The following GTF2I variants were observed in gnomAD, a reference collection of about 807,000 sequenced individuals.
The protein encoded by GTF2I is general transcription factor IIi, also known as general transcription factor II-I.
In GTF2I, 12 loss-of-function variants were observed where a neutral mutation model predicts 67.6. The observed-to-expected ratio is 0.18, with a 90% CI of 0.11 to 0.29. The LOEUF (loss-of-function observed/expected upper bound fraction) is 0.29. Ranked by LOEUF, GTF2I falls within the 10% of genes least tolerant of loss-of-function variation. GTF2I has a pLI of 1.00. For synonymous variants in GTF2I, 149 were observed against 197.0 expected, an observed-to-expected ratio of 0.76 and a Z score of 2.04; for missense variants, 271 against 580.1, an observed-to-expected ratio of 0.47 and a Z score of 5.47.
In GTF2I at chr7:74,680,112, ATATATG is replaced by A. The variant is rs1458742120; in HGVS notation, c.-5-9008_-5-9003del. ...AAAAAAAAAAAAAATATATATATATATATATGTATGTATGTATGTATATACACATAT... is the reference window on the plus strand; with the variant it reads ...AAAAAAAAAAAAAATATATATATATATATGTATGTATGTATATACACATAT... On this transcript the variant is annotated intron_variant, in intron 1 of 34. Coordinates refer to ENST00000573035, the MANE Select transcript of GTF2I (RefSeq NM_032999.4). Among the ~76,000 whole-genome samples the A allele has an allele frequency of 9.8e-4, 125 of 127,062 alleles. 2 individuals are homozygous for A. The highest frequency in any genetic ancestry group is 3.9e-3 in the Middle Eastern group (1 of 258). The allele number at this position is 127,062 out of a possible 152,430, so 83.4% of individuals were successfully genotyped here.
intron 1 of GTF2I, among the ~76,000 whole-genome samples, chr7:74,686,427 T>C (rs1160025556): frequency 6.6e-6 from 1 of 152,204 alleles, no homozygotes; most frequent in Non-Finnish European, 1.5e-5. Flanking sequence ...TGCCCTAGTT[T>C]CATGTTCTGA....
intron 1 of GTF2I, among the ~76,000 whole-genome samples, chr7:74,672,169 A>G (rs4717907): frequency 0.79 from 119,925 of 151,954 alleles, 47,570 homozygotes; most frequent in East Asian, 0.94. Flanking sequence ...TCTATTTCTT[A>G]TCTGCTGAAG....
intron 8 of GTF2I, among the ~76,000 whole-genome samples, chr7:74,709,990 A>C (rs183582832): frequency 6.6e-6 from 1 of 152,130 alleles, no homozygotes. Flanking sequence ...GTAATTTTCT[A>C]TTAACTTTTA....
chr7:74,701,915 A>C (rs1002617297), intron 6 of GTF2I, among the ~76,000 whole-genome samples: 1 of 152,210 alleles, frequency 6.6e-6, no homozygotes, highest in African/African-American at 2.4e-5. Flanking sequence ...GTAGAAATGG[A>C]ATATGTAGTA....
chr7:74,665,982 GGC>G, intron 1 of GTF2I, among the ~76,000 whole-genome samples: 1 of 152,212 alleles, frequency 6.6e-6, no homozygotes, highest in Non-Finnish European at 1.5e-5. Context: ...TGGGACTACA[GGC>G]GTGCGCCACC....
chr7:74,752,423 A>G (rs1485759733), intron 28 of GTF2I, among the ~76,000 whole-genome samples: 2 of 151,196 alleles, frequency 1.3e-5, no homozygotes, highest in African/African-American at 4.8e-5. Context: ...CCTTAAAAAA[A>G]GTCTATATGA....
At chr7:74,673,835 C>T (rs999086587) in intron 1 of GTF2I, among the ~76,000 whole-genome samples, 5 of 151,762 alleles carry the variant, frequency 3.3e-5, no homozygotes, top group Non-Finnish European at 7.4e-5. Context: ...CACCCACCAC[C>T]ACACCCAGCT....
intron 1 of GTF2I, among the ~76,000 whole-genome samples, chr7:74,665,328 T>G (rs1554388138): frequency 6.6e-6 from 1 of 151,982 alleles, no homozygotes. Context: ...CTCAGCTCAC[T>G]ACAACCCCTG....
At chr7:74,664,227 C>T (rs1261103957) in intron 1 of GTF2I, among the ~76,000 whole-genome samples, 1 of 152,120 alleles carries the variant, frequency 6.6e-6, no homozygotes, top group Non-Finnish European at 1.5e-5. Flanking sequence ...TTACTGTTGT[C>T]CTTTTGTTCT....
chr7:74,682,759 A>G (rs1787375361), intron 1 of GTF2I, among the ~76,000 whole-genome samples: 1 of 152,232 alleles, frequency 6.6e-6, no homozygotes, highest in African/African-American at 2.4e-5. Context: ...GAGATTTGGA[A>G]TTATCAGAGA....
intron 1 of GTF2I, among the ~76,000 whole-genome samples, chr7:74,668,124 G>A (rs1182410605): frequency 1.4e-5 from 2 of 147,642 alleles, no homozygotes; most frequent in South Asian, 2.2e-4. Flanking sequence ...GAGCCACCGC[G>A]CCCAGTCTTA....
chr7:74,700,057 C>T (rs1789521315), intron 4 of GTF2I, 190 bp from the exon 5 acceptor site: 9 of 549,812 alleles, frequency 1.6e-5, no homozygotes, highest in Admixed American at 3.4e-5. Flanking sequence ...TCATTTTGGC[C>T]CTTCGGATCA....
chr7:74,669,048 CT>C (rs1805225170), intron 1 of GTF2I, among the ~76,000 whole-genome samples: 1 of 151,862 alleles, frequency 6.6e-6, no homozygotes. Flanking sequence ...AAGAAGGGAT[CT>C]TTTATCATGT....
At chr7:74,700,770 A>G (rs1554399684) in intron 6 of GTF2I, 136 bp downstream of exon 6, 1 of 873,100 alleles carries the variant, frequency 1.1e-6, no homozygotes, top group East Asian at 2.4e-5. Flanking sequence ...TTAGATGTTT[A>G]TATAATCCAC....
At chr7:74,717,051 G>T in intron 11 of GTF2I, 101 bp downstream of exon 11, 1 of 1,466,442 alleles carries the variant, frequency 6.8e-7, no homozygotes, top group South Asian at 1.3e-5. Flanking sequence ...GGAAATAAAA[G>T]GTGATTCCCT....
In GTF2I at chr7:74,689,153, C is replaced by G; in HGVS notation, c.25C>G (p.Leu9Val). The G allele has an allele frequency of 6.2e-7, 1 of 1,611,932 alleles. No individual in the cohort carries two copies. Among genetic ancestry groups the G allele is most frequent in the Non-Finnish European group, 8.5e-7 (1 of 1,178,174 alleles). Residue 9 changes from leucine (L) to valine (V), a missense_variant, in exon 2 of 35, where the codon CTC (leucine) becomes GTC (valine). Around this residue, in one of 9 missense-constraint regions of GTF2I, gnomAD observed 17 missense variants for 18.2 expected, o/e 0.94. Transcript: ENST00000573035. ...CATGGCCCAAGTTGCAATGTCCACC[C>G]TCCCCGTTGAAGATGAGGAGTCCTC... MAQVAMST[L>V]PVEDEESSES...
chr7:74,695,089 A>T (rs1788756654), intron 3 of GTF2I, among the ~76,000 whole-genome samples: 1 of 152,182 alleles, frequency 6.6e-6, no homozygotes, highest in Non-Finnish European at 1.5e-5. Context: ...CAGAGTCCTG[A>T]TGGAGGTGTA....
chr7:74,705,326 T>C (rs587710271), intron 7 of GTF2I, 108 bp downstream of exon 7: 4 of 711,038 alleles, frequency 5.6e-6, no homozygotes, highest in Non-Finnish European at 7.5e-6. Context: ...TCACACATCT[T>C]AAAGTTTAAT....
At chr7:74,661,558 A>G (rs1804493899) in intron 1 of GTF2I, among the ~76,000 whole-genome samples, 1 of 152,026 alleles carries the variant, frequency 6.6e-6, no homozygotes, top group African/African-American at 2.4e-5. Flanking sequence ...GTGCGTACGT[A>G]GTTTCAGCTA....
Sources: allele counts gnomAD v4.1 joint callset (sites outside exome capture counted in the v4.1 genomes callset), GRCh38; gene constraint gnomAD v4.1.1; regional missense constraint gnomAD v4.1.1; transcripts MANE v1.5; gene names NCBI Gene and HGNC (gene_info 2026-07-23, HGNC 2026-07-21).